The following PDZD7 variants were observed in gnomAD, a reference collection of about 807,000 sequenced individuals.
PDZD7 encodes PDZ domain-containing protein 7.
PDZD7 carries 72 observed loss-of-function variants against 84.7 expected under a neutral mutation model. The ratio of observed to expected loss-of-function variants is 0.85; its 90% CI spans 0.70 to 1.03. The LOEUF is 1.03. Among genes scored for constraint, PDZD7 ranks in the 50% least tolerant of loss-of-function variants. PDZD7 has a pLI of 0.00. For missense variants in PDZD7, 1,490 were observed against 1,412.9 expected, an observed-to-expected ratio of 1.05 and a Z score of -0.87; for synonymous variants, 594 against 580.7, an observed-to-expected ratio of 1.02 and a Z score of -0.33.
chr10:101,007,734 C>G lies in PDZD7; in HGVS notation c.*733G>C. ...TGTGACCAAGCAGCCTCTCCCTTCA[C>G]CCAGGTTTATGGCCTCGTTTTCACT... On this transcript the variant is annotated 3_prime_UTR_variant, in exon 17 of 17. Coordinates refer to ENST00000619208, the MANE Select transcript of PDZD7 (RefSeq NM_001195263.2). 1.2e-6 allele frequency: 1 copy of G among 851,338 alleles called. No individual in the cohort carries two copies. The highest frequency in any genetic ancestry group is 1.4e-6 in the Non-Finnish European group (1 of 691,034). 52.7% of individuals were successfully genotyped at this position (851,338 alleles called of 1,614,324 possible).
chr10:101,019,057 C>T lies in PDZD7; in HGVS notation c.1089G>A (p.Trp363Ter). The T allele has an allele frequency of 6.3e-7, 1 of 1,577,102 alleles. No homozygotes were observed. The highest frequency in any genetic ancestry group is 1.3e-5 in the African/African-American group (1 of 74,652). ...QEEPGSRGPG[W>*]GRADTAMQTE... ...TCTGCATGGCTGTGTCCGCCCGCCC[C>T]CAGCCTGGGCCGCGGCTGCCGGGCT... The change falls in exon 8 of 17, where the codon TGG becomes TGA. Residue 363 changes from tryptophan (W) to a stop codon, truncating the protein, a stop_gained. Coordinates refer to ENST00000619208, the MANE Select transcript of PDZD7 (RefSeq NM_001195263.2). LOFTEE classifies it high-confidence loss of function.
rs774077448 is a variant in PDZD7 at position 101,021,880 on chromosome 10, T to A, written c.785A>T (p.Asn262Ile). Residue 262 changes from asparagine (N) to isoleucine (I), a missense_variant, in exon 6 of 17, where the codon AAC becomes ATC. Physicochemically the swap from Asn to Ile is moderately radical, Grantham distance 149. Transcript: ENST00000619208. ...GCTGATGTCGTCAAACCTGACACCG[T>A]TGGCTGCCAGGACCTGGTCCCCCAC... ...IKVGDQVLAA[N>I]GVRFDDISHS... is the part of the protein sequence containing the mutation. 1 of 1,614,184 alleles carries A rather than the reference T, an allele frequency of 6.2e-7. No individual in the cohort carries two copies. Among genetic ancestry groups the A allele is most frequent in the Middle Eastern group, 1.6e-4 (1 of 6,062 alleles).
chr10:101,017,360 C>G, intron 9 of PDZD7: 1 of 413,460 alleles, frequency 2.4e-6, no homozygotes, highest in East Asian at 4.0e-5. Flanking sequence ...CTTAAATCAG[C>G]AGCTGAGCCA....
chr10:101,030,520 A>G, intron 1 of PDZD7, 136 bp from the exon 2 acceptor site: 1 of 563,522 alleles, frequency 1.8e-6, no homozygotes. Context: ...ACCCTAGGCC[A>G]GAGAACTGCC....
intron 16 of PDZD7, 66 bp downstream of exon 16, chr10:101,009,184 C>G: frequency 2.9e-6 from 4 of 1,389,998 alleles, no homozygotes; most frequent in Non-Finnish European, 3.9e-6. Flanking sequence ...TGAGCATGGC[C>G]AGCCCCACCT....
At chr10:101,030,702 C>G (rs115437415) in intron 1 of PDZD7, 179 of 281,380 alleles carry the variant, frequency 6.4e-4, no homozygotes, top group African/African-American at 3.8e-3. Context: ...AGGTGTGAGA[C>G]AAAAGAGAGG....
chr10:101,010,547 C>CGGCTGT lies in PDZD7; in HGVS notation c.2341_2342insACAGCC (p.Ser780_Arg781insHisSer), dbSNP rs1852359745. ...GCCTTGACCCCGGCTGCTGCGGCTG[C>CGGCTGT]GGCTGCGGCTACGGCTGCGGCTACG... is the stretch of plus-strand genomic sequence containing the variant. On this transcript the variant is annotated inframe_insertion, in exon 15 of 17. Transcript: ENST00000619208. 2 of 1,524,488 alleles carry CGGCTGT rather than the reference C, an allele frequency of 1.3e-6. No individual in the cohort carries two copies. Among genetic ancestry groups the CGGCTGT allele is most frequent in the East Asian group, 2.5e-5 (1 of 40,654 alleles). The allele number at this position is 1,524,488 out of a possible 1,614,324, so 94.4% of individuals were successfully genotyped here. A position where few individuals can be genotyped will look rare whatever the true frequency, so the allele number is the denominator to read the frequency against.
intron 9 of PDZD7, chr10:101,017,228 T>C (rs1177497921): frequency 1.1e-4 from 20 of 186,468 alleles, no homozygotes; most frequent in Non-Finnish European, 4.4e-5. Flanking sequence ...CCCCTGGGGT[T>C]GCTATGCAAT....
intron 2 of PDZD7, among the ~76,000 whole-genome samples, chr10:101,026,663 T>TCACA (rs3051194): frequency 0.059 from 7,264 of 123,770 alleles, 280 homozygotes; most frequent in Middle Eastern, 0.081. Context: ...CAGGGAGAAA[T>TCACA]CACACACACA....
At chr10:101,024,673 C>T (rs974123793) in intron 2 of PDZD7, among the ~76,000 whole-genome samples, 9 of 150,308 alleles carry the variant, frequency 6.0e-5, no homozygotes, top group Non-Finnish European at 1.0e-4. Context: ...CCCAGCTACA[C>T]GGAAGGCTGA....
At chr10:101,008,917 A>G (rs759924922) in intron 16 of PDZD7, 67 bp from the exon 17 acceptor site, 239 of 1,439,498 alleles carry the variant, frequency 1.7e-4, no homozygotes, top group Non-Finnish European at 2.1e-4. Context: ...CCCAACCTGA[A>G]GGCAGCATCT....
In PDZD7 at chr10:101,007,794, A is replaced by T. The variant is rs570333866; in HGVS notation, c.*673T>A. 9.2e-5 allele frequency: 38 copies of T among 414,884 alleles called. No individual in the cohort carries two copies. The highest frequency in any genetic ancestry group is 8.0e-4 in the Middle Eastern group (1 of 1,250). The allele number at this position is 414,884 out of a possible 1,614,324, so 25.7% of individuals were successfully genotyped here. On this transcript the variant is annotated 3_prime_UTR_variant, in exon 17 of 17. Transcript: ENST00000619208. ...TTCACACTGTAAATTTCTTGTACAAACCCAAAGAAAAAATTAAAAAAAATT... is the reference window on the plus strand; with the variant it reads ...TTCACACTGTAAATTTCTTGTACAATCCCAAAGAAAAAATTAAAAAAAATT...
At chr10:101,021,256 G>A (rs1290171432) in intron 6 of PDZD7, among the ~76,000 whole-genome samples, 3 of 152,202 alleles carry the variant, frequency 2.0e-5, no homozygotes, top group Admixed American at 6.5e-5. Flanking sequence ...GAAGCAGAAA[G>A]GTAGAGCAGG....
At position 101,025,599 on chromosome 10, in the gene PDZD7, C is replaced by G. The variant is rs940461263; in HGVS notation, c.227-1531G>C. Among the ~76,000 whole-genome samples the G allele has an allele frequency of 2.9e-4, 43 of 149,586 alleles. 2 individuals carry two copies. The East Asian group carries it at 5.2e-3, about 18-fold the overall frequency. ...GTCTCGCTCTGTCGCCCAGGCTGGA[C>G]TGCAGTGGTGCGATCTCAGCTCACT... is the stretch of plus-strand genomic sequence containing the variant. On this transcript the variant is annotated intron_variant, in intron 2 of 16. Transcript: ENST00000619208.
intron 9 of PDZD7, among the ~76,000 whole-genome samples, chr10:101,016,753 A>AGGG (rs1852648330): frequency 6.6e-6 from 1 of 152,176 alleles, no homozygotes; most frequent in Non-Finnish European, 1.5e-5. Flanking sequence ...GACAGAGGGA[A>AGGG]AAAGAGGAGC....
chr10:101,009,376 G>A (rs1590043671), intron 15 of PDZD7, 26 bp from the exon 16 acceptor site: 2 of 1,521,718 alleles, frequency 1.3e-6, no homozygotes, highest in South Asian at 2.4e-5. Context: ...AACACCGTGT[G>A]AGAGTGCAGC....
chr10:101,018,003 T>G, intron 9 of PDZD7, 96 bp downstream of exon 9: 1 of 1,482,086 alleles, frequency 6.7e-7, no homozygotes, highest in South Asian at 1.1e-5. Flanking sequence ...GGGACTCAGC[T>G]GGTAAGACGC....
At chr10:101,009,000 G>T in intron 16 of PDZD7, 150 bp from the exon 17 acceptor site, 1 of 1,088,758 alleles carries the variant, frequency 9.2e-7, no homozygotes, top group Non-Finnish European at 1.3e-6. Context: ...TTTTGTGCCT[G>T]CAGTTGTTGG....
At chr10:101,015,215 G>A (rs1430784416) in intron 11 of PDZD7, among the ~76,000 whole-genome samples, 3 of 152,218 alleles carry the variant, frequency 2.0e-5, no homozygotes, top group Admixed American at 2.0e-4. Context: ...TGCAGTGAAG[G>A]ATGGAGGCTT....
Sources: allele counts gnomAD v4.1 joint callset (sites outside exome capture counted in the v4.1 genomes callset), GRCh38; gene constraint gnomAD v4.1.1; transcripts MANE v1.5; gene names NCBI Gene and HGNC (gene_info 2026-07-23, HGNC 2026-07-21).